The following SLC25A12 variants were observed in gnomAD, a reference collection of about 807,000 sequenced individuals.
SLC25A12 encodes solute carrier family 25 member 12, also known as electrogenic aspartate/glutamate antiporter SLC25A12, mitochondrial.
SLC25A12 carries 32 observed loss-of-function variants against 83.3 expected under a neutral mutation model. That is an observed-to-expected ratio of 0.38 (90% CI 0.29 to 0.52). SLC25A12 has a LOEUF of 0.52. Ranked by LOEUF, SLC25A12 falls within the 20% of genes least tolerant of loss-of-function variation. The pLI, the probability that SLC25A12 is intolerant of heterozygous loss-of-function variation, is 0.84. For missense variants in SLC25A12, 611 were observed against 835.6 expected, an observed-to-expected ratio of 0.73 and a Z score of 3.31; for synonymous variants, 267 against 291.1, an observed-to-expected ratio of 0.92 and a Z score of 0.84.
intron 4 of SLC25A12, chr2:171,845,810 TG>T (rs1684785853): frequency 2.2e-6 from 1 of 455,266 alleles, no homozygotes; most frequent in African/African-American, 2.0e-5. Context: ...ACTGGGGAGA[TG>T]GGATTCTCAT....
At chr2:171,806,281 C>T (rs1051060025) in intron 13 of SLC25A12, among the ~76,000 whole-genome samples, 1 of 152,106 alleles carries the variant, frequency 6.6e-6, no homozygotes, top group East Asian at 1.9e-4. Flanking sequence ...CATGGAGAAA[C>T]CCCAGCTCTA....
intron 4 of SLC25A12, among the ~76,000 whole-genome samples, chr2:171,850,612 G>A (rs1361425093): frequency 9.2e-5 from 14 of 151,940 alleles, no homozygotes; most frequent in Non-Finnish European, 8.8e-5. Context: ...TGATCCACCC[G>A]CCTCGGCCTC....
chr2:171,807,360 A>G lies in SLC25A12; in HGVS notation c.1305+2246T>C, dbSNP rs749716323. ...AACCCTCAAGGCAACCCAGACTTCA[A>G]TAGAAATTCCTAAAGTTCAAACCTA... On this transcript the variant is annotated intron_variant, in intron 13 of 17. Transcript: ENST00000422440. Among the ~76,000 whole-genome samples the G allele has an allele frequency of 3.9e-5, 6 of 152,228 alleles. 1 individual carries two copies. Among genetic ancestry groups the G allele is most frequent in the Admixed American group, 1.3e-4 (2 of 15,280 alleles).
intron 2 of SLC25A12, among the ~76,000 whole-genome samples, chr2:171,887,868 A>G (rs908288488): frequency 1.3e-5 from 2 of 152,212 alleles, no homozygotes; most frequent in Admixed American, 6.5e-5. Flanking sequence ...GCAGAATCTT[A>G]GTGCATACTG....
chr2:171,842,659 A>C (rs2105893935), intron 5 of SLC25A12, among the ~76,000 whole-genome samples: 1 of 152,270 alleles, frequency 6.6e-6, no homozygotes, highest in East Asian at 1.9e-4. Flanking sequence ...AGGTAAATCC[A>C]TAGAGACAGA....
At chr2:171,829,762 C>T (rs1192253787) in intron 8 of SLC25A12, among the ~76,000 whole-genome samples, 1 of 152,204 alleles carries the variant, frequency 6.6e-6, no homozygotes, top group African/African-American at 2.4e-5. Flanking sequence ...CAATTCATTC[C>T]AGCAACTTGT....
chr2:171,800,563 A>G (rs1683690429), intron 13 of SLC25A12, among the ~76,000 whole-genome samples: 1 of 152,186 alleles, frequency 6.6e-6, no homozygotes, highest in African/African-American at 2.4e-5. Flanking sequence ...ACTTCTAAGA[A>G]CTAACTGGCA....
At chr2:171,883,296 T>C (rs1685736067) in intron 2 of SLC25A12, among the ~76,000 whole-genome samples, 2 of 152,310 alleles carry the variant, frequency 1.3e-5, no homozygotes, top group African/African-American at 4.8e-5. Flanking sequence ...AGAACATCCC[T>C]ATGTGCTAGG....
rs1293764094 is a variant in SLC25A12 at position 171,791,469 on chromosome 2, CAAG to C, written c.1564_1566del (p.Leu522del). The C allele has an allele frequency of 1.2e-6, 2 of 1,613,856 alleles. No individual in the cohort carries two copies. The highest frequency in any genetic ancestry group is 1.7e-5 in the Admixed American group (1 of 59,978). Reference sequence around the variant, plus strand: ...TAGTTACCTGCCATGGCTCCAGCTGCAAGAAGATTTAAACCTCCCACGTGTCCA... The same window carrying C: ...TAGTTACCTGCCATGGCTCCAGCTGCAAGATTTAAACCTCCCACGTGTCCA... On this transcript the variant is annotated inframe_deletion, in exon 15 of 18. Transcript: ENST00000422440.
chr2:171,837,971 G>A (rs1481143159), intron 5 of SLC25A12, among the ~76,000 whole-genome samples: 10 of 152,152 alleles, frequency 6.6e-5, no homozygotes. Context: ...TGTAATAAGT[G>A]ATATCCACAA....
At chr2:171,789,417 AC>A (rs1194084912) in intron 15 of SLC25A12, among the ~76,000 whole-genome samples, 1 of 151,990 alleles carries the variant, frequency 6.6e-6, no homozygotes, top group Non-Finnish European at 1.5e-5. Context: ...TTTAGTAGAG[AC>A]GGGGTTTCAC....
intron 1 of SLC25A12, 46 bp downstream of exon 1, chr2:171,894,157 G>A: frequency 6.3e-7 from 1 of 1,596,608 alleles, no homozygotes; most frequent in Non-Finnish European, 8.5e-7. Context: ...AGGGCGCTCG[G>A]AATGTCTCTT....
intron 3 of SLC25A12, among the ~76,000 whole-genome samples, chr2:171,863,074 C>A (rs940653221): frequency 6.6e-6 from 1 of 151,970 alleles, no homozygotes; most frequent in African/African-American, 2.4e-5. Flanking sequence ...TAATTTTTTT[C>A]TTTAATTGTG....
At chr2:171,855,333 C>G (rs1007109272) in intron 4 of SLC25A12, among the ~76,000 whole-genome samples, 7 of 151,470 alleles carry the variant, frequency 4.6e-5, no homozygotes, top group Non-Finnish European at 7.4e-5. Flanking sequence ...AATATTCTAG[C>G]CTCTTTCCTA....
chr2:171,865,532 A>G (rs1053101784), intron 3 of SLC25A12, among the ~76,000 whole-genome samples: 5 of 152,006 alleles, frequency 3.3e-5, no homozygotes, highest in South Asian at 2.1e-4. Flanking sequence ...GTGGTGGCAC[A>G]TATCTGTAAT....
chr2:171,865,083 T>C (rs2105913336), intron 3 of SLC25A12, among the ~76,000 whole-genome samples: 1 of 152,294 alleles, frequency 6.6e-6, no homozygotes, highest in Non-Finnish European at 1.5e-5. Context: ...ATTCACTTTT[T>C]TATTATCTTT....
rs116228733 is a variant in SLC25A12, at chr2:171,827,181, C to T, written c.846-299G>A. Among the ~76,000 whole-genome samples, 955 of 152,286 alleles carry T rather than the reference C, an allele frequency of 6.3e-3. 9 individuals carry two copies. Among genetic ancestry groups the T allele is most frequent in the African/African-American group, 0.022 (902 of 41,552 alleles). ...AGTATAGAGATTGACTGTCCCTACC[C>T]ACTAAATGTGTCCCCAAGGATACCT... On this transcript the variant is annotated intron_variant, in intron 8 of 17. Coordinates refer to ENST00000422440, the MANE Select transcript of SLC25A12 (RefSeq NM_003705.5).
At chr2:171,863,641 G>A (rs1266082292) in intron 3 of SLC25A12, among the ~76,000 whole-genome samples, 2 of 152,100 alleles carry the variant, frequency 1.3e-5, no homozygotes, top group Non-Finnish European at 2.9e-5. Context: ...TAGAGCAGAT[G>A]GTCATAAAAG....
chr2:171,824,857 T>G lies in SLC25A12; in HGVS notation c.930+1941A>C, dbSNP rs1460800053. Among the ~76,000 whole-genome samples the G allele has an allele frequency of 2.0e-5, 3 of 151,714 alleles. No homozygotes were observed. In the East Asian group the frequency reaches 5.8e-4, roughly 29 times the overall value. ...TCTCACTCTGTTGCCCAAGCTGGAG[T>G]GTAGTAGCACAGTCACGCTCACTGC... is the stretch of plus-strand genomic sequence containing the variant. On this transcript the variant is annotated intron_variant, in intron 9 of 17. Transcript: ENST00000422440.
Sources: gnomAD v4.1 joint callset for allele counts (sites outside exome capture counted in the v4.1 genomes callset) on GRCh38, gnomAD v4.1.1 for gene constraint, MANE v1.5 for transcripts, NCBI Gene and HGNC (gene_info 2026-07-23, HGNC 2026-07-21) for gene names.